The following PKD1L1 variants were observed in gnomAD, a reference collection of about 807,000 sequenced individuals.
The protein encoded by PKD1L1 is polycystin-1-like protein 1.
A neutral mutation model predicts 323.4 loss-of-function variants in PKD1L1; 236 were observed. That is an observed-to-expected ratio of 0.73 (90% CI 0.66 to 0.81). The LOEUF (loss-of-function observed/expected upper bound fraction) is 0.81. PKD1L1 is among the 40% of genes least tolerant of loss of function. The pLI, the probability that PKD1L1 is intolerant of heterozygous loss-of-function variation, is 0.00. For missense variants in PKD1L1, 3,320 were observed against 3,508.0 expected, an observed-to-expected ratio of 0.95 and a Z score of 1.35; for synonymous variants, 1,344 against 1,335.0, an observed-to-expected ratio of 1.01 and a Z score of -0.15.
In PKD1L1 at chr7:47,865,163, C is replaced by T. The variant is rs775764792; in HGVS notation, c.4149+53G>A. On this transcript the variant is annotated intron_variant, in intron 26 of 56. Transcript: ENST00000289672. ...TGTATTTTTCAAGAACTGATCATGT[C>T]CCTCAAAACTATATAAAATAGGAAA... is the stretch of plus-strand genomic sequence containing the variant. 2.4e-5 allele frequency: 31 copies of T among 1,296,548 alleles called. 1 individual carries two copies. The highest frequency in any genetic ancestry group is 5.0e-4 in the Middle Eastern group (2 of 3,992). 80.3% of individuals were successfully genotyped at this position (1,296,548 alleles called of 1,614,324 possible). A position where few individuals can be genotyped will look rare whatever the true frequency, so the allele number is the denominator to read the frequency against.
At position 47,815,368 on chromosome 7, in the gene PKD1L1, C is replaced by T. The variant is rs1208718041; in HGVS notation, c.7055G>A (p.Gly2352Glu). Residue 2352 changes from glycine to glutamate, a missense_variant, in exon 47 of 57, where the codon GGA becomes GAA. By Grantham distance (98) the Gly-to-Glu change is moderately conservative. Coordinates refer to ENST00000289672, the MANE Select transcript of PKD1L1 (RefSeq NM_138295.5). ...LTTLLDGLYP[G>E]GTPSARVPGA... ...CGGCACACGGGCTGACGGGGTGCCT[C>T]CCGGGTACAGGCCATCCAGAAGTGT... 1.9e-6 allele frequency: 3 copies of T among 1,614,182 alleles called. No homozygotes were observed. The East Asian group carries it at 6.7e-5, about 36-fold the overall frequency.
intron 45 of PKD1L1, among the ~76,000 whole-genome samples, chr7:47,824,764 C>A (rs1441342758): frequency 1.3e-5 from 2 of 152,156 alleles, no homozygotes; most frequent in East Asian, 3.9e-4. Flanking sequence ...ATCCTGCAGG[C>A]CTCTCCCTAG....
At chr7:47,885,596 T>A (rs1786663976) in intron 18 of PKD1L1, 90 bp downstream of exon 18, 2 of 1,495,490 alleles carry the variant, frequency 1.3e-6, no homozygotes, top group Non-Finnish European at 1.8e-6. Context: ...GTTGATGTGA[T>A]CTCACACCTT....
intron 46 of PKD1L1, chr7:47,819,470 A>G (rs761581543): frequency 2.5e-6 from 3 of 1,195,182 alleles, no homozygotes; most frequent in South Asian, 1.5e-5. Flanking sequence ...TTCCATTTCC[A>G]TTGAGGACCC....
At chr7:47,924,881 C>T (rs1787628316) in intron 7 of PKD1L1, among the ~76,000 whole-genome samples, 1 of 152,200 alleles carries the variant, frequency 6.6e-6, no homozygotes, top group Non-Finnish European at 1.5e-5. Context: ...TCATTTAACA[C>T]TGTTCTGGCA....
intron 37 of PKD1L1, among the ~76,000 whole-genome samples, chr7:47,835,948 A>G (rs749662004): frequency 5.9e-5 from 9 of 152,170 alleles, no homozygotes; most frequent in Non-Finnish European, 1.3e-4. Context: ...CATGGCTACA[A>G]TCCAGCAAGG....
chr7:47,895,439 G>T (rs957064898), intron 14 of PKD1L1, among the ~76,000 whole-genome samples: 1 of 152,140 alleles, frequency 6.6e-6, no homozygotes, highest in Non-Finnish European at 1.5e-5. Flanking sequence ...TTTAAGAAAG[G>T]GATTATAATC....
At position 47,811,802 on chromosome 7, in the gene PKD1L1, G is replaced by A. The variant is rs371967790; in HGVS notation, c.7581+15C>T. ...CTGTGCACCTCCAGGAGGCCCAAGA[G>A]GCAGGTCAGCTCACCTGGGGAAGCA... On this transcript the variant is annotated intron_variant, in intron 50 of 56. Coordinates refer to ENST00000289672, the MANE Select transcript of PKD1L1 (RefSeq NM_138295.5). 51 of 1,582,010 alleles carry A rather than the reference G, an allele frequency of 3.2e-5. No individual in the cohort carries two copies. Among genetic ancestry groups the A allele is most frequent in the South Asian group, 1.5e-4 (13 of 86,376 alleles).
At chr7:47,795,662 A>C (rs910137434) in intron 55 of PKD1L1, among the ~76,000 whole-genome samples, 1 of 152,198 alleles carries the variant, frequency 6.6e-6, no homozygotes, top group Admixed American at 6.5e-5. Flanking sequence ...CAGGCACCAA[A>C]AGCAAATGAC....
chr7:47,945,068 C>G (rs1374292630), intron 1 of PKD1L1, among the ~76,000 whole-genome samples: 4 of 152,170 alleles, frequency 2.6e-5, no homozygotes, highest in African/African-American at 9.7e-5. Context: ...CACAGGCAGT[C>G]ACCTTGCCTC....
chr7:47,957,410 C>T, the PKD1L1 span: 1 of 152,196 alleles, frequency 6.6e-6, no homozygotes, highest in African/African-American at 2.4e-5. Flanking sequence ...ATGACACGAT[C>T]ATAAGTAGAG....
At chr7:47,953,257 C>T (rs1788229824), upstream of PKD1L1, among the ~76,000 whole-genome samples, 3 of 152,162 alleles carry the variant, frequency 2.0e-5, no homozygotes, top group South Asian at 6.2e-4. Flanking sequence ...ATGTTTTAGG[C>T]CCTCAAGCAC....
intron 33 of PKD1L1, among the ~76,000 whole-genome samples, chr7:47,844,659 G>C (rs1338438348): frequency 6.6e-6 from 1 of 152,090 alleles, no homozygotes; most frequent in East Asian, 1.9e-4. Flanking sequence ...AGGCTCTTTA[G>C]GTATTATTGT....
chr7:47,944,733 T>C (rs1477199745), intron 1 of PKD1L1, among the ~76,000 whole-genome samples: 1 of 152,230 alleles, frequency 6.6e-6, no homozygotes, highest in African/African-American at 2.4e-5. Context: ...GCTGCTCTCA[T>C]GTTTGTCAGC....
chr7:47,804,914 C>T (rs1784744819), intron 52 of PKD1L1, among the ~76,000 whole-genome samples: 1 of 152,088 alleles, frequency 6.6e-6, no homozygotes, highest in Non-Finnish European at 1.5e-5. Context: ...TATTGGACAA[C>T]ACGGCTATAA....
chr7:47,861,256 T>C (rs1786016622), intron 26 of PKD1L1, among the ~76,000 whole-genome samples: 1 of 152,356 alleles, frequency 6.6e-6, no homozygotes, highest in South Asian at 2.1e-4. Flanking sequence ...AGTCTAAAGT[T>C]GGAAGACAGA....
At chr7:47,869,920 A>G (rs931137866) in intron 24 of PKD1L1, among the ~76,000 whole-genome samples, 4 of 152,200 alleles carry the variant, frequency 2.6e-5, no homozygotes, top group Non-Finnish European at 5.9e-5. Context: ...ATAATTAGAA[A>G]TCAATGACAA....
At chr7:47,872,859 A>G (rs1012572053) in intron 24 of PKD1L1, among the ~76,000 whole-genome samples, 2 of 152,248 alleles carry the variant, frequency 1.3e-5, no homozygotes, top group Non-Finnish European at 2.9e-5. Context: ...AAACTTGCAC[A>G]TAAATGTTCA....
intron 14 of PKD1L1, among the ~76,000 whole-genome samples, chr7:47,897,052 T>A (rs1004413087): frequency 2.6e-5 from 4 of 152,224 alleles, no homozygotes; most frequent in Admixed American, 2.6e-4. Flanking sequence ...TGTTGTCACT[T>A]GGCCCATCGT....
Sources: allele counts gnomAD v4.1 joint callset (sites outside exome capture counted in the v4.1 genomes callset), GRCh38; gene constraint gnomAD v4.1.1; transcripts MANE v1.5; gene names NCBI Gene and HGNC (gene_info 2026-07-23, HGNC 2026-07-21).